The following UNC5C variants were observed in gnomAD, a reference collection of about 807,000 sequenced individuals.
UNC5C encodes netrin receptor UNC5C.
Under a neutral mutation model 99.8 loss-of-function variants are expected in UNC5C, and 47 were observed. The ratio of observed to expected loss-of-function variants is 0.47; its 90% CI spans 0.37 to 0.60. The LOEUF is 0.60. UNC5C is among the 20% of genes least tolerant of loss of function. The pLI is 0.00. For missense variants in UNC5C, 1,062 were observed against 1,165.9 expected (o/e 0.91, Z 1.30); for synonymous variants, 487 against 452.2 (o/e 1.08, Z -0.98).
At chr4:95,176,809 G>A (rs1736371115) in intron 14 of UNC5C, among the ~76,000 whole-genome samples, 1 of 152,250 alleles carries the variant, frequency 6.6e-6, no homozygotes, top group African/African-American at 2.4e-5. Flanking sequence ...ACCTAAGCAA[G>A]TCTGGGCAAT....
intron 14 of UNC5C, among the ~76,000 whole-genome samples, chr4:95,171,024 A>T (rs1736078399): frequency 6.6e-6 from 1 of 152,210 alleles, no homozygotes; most frequent in South Asian, 2.1e-4. Context: ...AAAACCATAA[A>T]TTGGCTCTTA....
intron 1 of UNC5C, among the ~76,000 whole-genome samples, chr4:95,451,674 T>C (rs544117215): frequency 7.2e-4 from 109 of 152,160 alleles, no homozygotes; most frequent in Non-Finnish European, 1.4e-3. Context: ...TGAAAAGTAA[T>C]AAAATTCTTC....
intron 1 of UNC5C, among the ~76,000 whole-genome samples, chr4:95,342,179 C>T (rs540326103): frequency 2.6e-5 from 4 of 152,234 alleles, no homozygotes; most frequent in African/African-American, 7.2e-5. Flanking sequence ...ACCAGCCAGG[C>T]TGGCTAAGGG....
chr4:95,362,724 C>T (rs975724187), intron 1 of UNC5C, among the ~76,000 whole-genome samples: 4 of 152,088 alleles, frequency 2.6e-5, no homozygotes, highest in Non-Finnish European at 5.9e-5. Flanking sequence ...CTTGTTAAAA[C>T]ACAAAAGCTA....
intron 1 of UNC5C, among the ~76,000 whole-genome samples, chr4:95,405,938 C>T (rs1745820296): frequency 6.6e-6 from 1 of 152,178 alleles, no homozygotes; most frequent in South Asian, 2.1e-4. Context: ...CAACTGTCAT[C>T]AATAGGTTAC....
chr4:95,205,490 A>G (rs1204887119), intron 11 of UNC5C, among the ~76,000 whole-genome samples: 3 of 152,046 alleles, frequency 2.0e-5, no homozygotes, highest in Non-Finnish European at 2.9e-5. Context: ...TCCCAGGGAT[A>G]CTCTGGTACT....
chr4:95,440,003 G>A (rs1015336846), intron 1 of UNC5C, among the ~76,000 whole-genome samples: 1 of 152,142 alleles, frequency 6.6e-6, no homozygotes, highest in Non-Finnish European at 1.5e-5. Flanking sequence ...TTTCCCTTAT[G>A]CACTAGGAGA....
chr4:95,371,221 T>C (rs1744737779), intron 1 of UNC5C, among the ~76,000 whole-genome samples: 2 of 152,108 alleles, frequency 1.3e-5, no homozygotes, highest in African/African-American at 4.8e-5. Flanking sequence ...TGTAATGCTG[T>C]TTCATAACGT....
chr4:95,492,262 G>C (rs1367816078), intron 1 of UNC5C, among the ~76,000 whole-genome samples: 1 of 151,234 alleles, frequency 6.6e-6, no homozygotes, highest in Non-Finnish European at 1.5e-5. Flanking sequence ...GATTATGATA[G>C]CTCATAACTC....
intron 1 of UNC5C, among the ~76,000 whole-genome samples, chr4:95,439,655 C>T (rs1746893441): frequency 6.6e-6 from 1 of 152,082 alleles, no homozygotes; most frequent in Non-Finnish European, 1.5e-5. Context: ...AAAGTGCATT[C>T]TAGAAGCAGG....
Position 95,481,700 on chromosome 4 carries a change from C to T in UNC5C, c.124+67034G>A, listed in dbSNP as rs577402298. ...AACAGAACAGAGCCCTCAGAAATAA[C>T]GCCGCATATCTACAGCTATCTGATC... On this transcript the variant is annotated intron_variant, in intron 1 of 15. Transcript: ENST00000453304. Among the ~76,000 whole-genome samples the T allele has an allele frequency of 5.3e-3, 807 of 152,058 alleles. 7 individuals carry two copies. Among genetic ancestry groups the T allele is most frequent in the African/African-American group, 0.018 (757 of 41,488 alleles).
At chr4:95,219,578 T>C (rs1038669728) in intron 8 of UNC5C, among the ~76,000 whole-genome samples, 3 of 152,212 alleles carry the variant, frequency 2.0e-5, no homozygotes, top group African/African-American at 7.2e-5. Context: ...TTTCAACAGA[T>C]TGGATTGAAC....
At chr4:95,206,510 A>G in intron 11 of UNC5C, 118 bp downstream of exon 11, 1 of 1,434,066 alleles carries the variant, frequency 7.0e-7, no homozygotes, top group South Asian at 1.3e-5. Context: ...TCTCATTTTG[A>G]GGGTGAGCTA....
intron 2 of UNC5C, among the ~76,000 whole-genome samples, chr4:95,318,827 CAG>C (rs1394256442): frequency 1.3e-5 from 2 of 152,154 alleles, no homozygotes; most frequent in African/African-American, 4.8e-5. Context: ...TAGGCAGAGA[CAG>C]GGGAAAGGAT....
At chr4:95,467,523 T>G (rs180920215) in intron 1 of UNC5C, among the ~76,000 whole-genome samples, 3 of 152,342 alleles carry the variant, frequency 2.0e-5, no homozygotes, top group Middle Eastern at 6.8e-3. Context: ...GGCAACATTT[T>G]CTGTAGTTAA....
chr4:95,294,161 G>A lies in UNC5C; in HGVS notation c.490+7445C>T, dbSNP rs114118828. Among the ~76,000 whole-genome samples the A allele has an allele frequency of 1.5e-3, 229 of 152,288 alleles. 1 individual carries two copies. The highest frequency in any genetic ancestry group is 4.7e-3 in the African/African-American group (195 of 41,572). Reference sequence around the variant, plus strand: ...ATACATGACCGAAATAATTTTATCTGTTTCTTTTTAAATTGTGGCTACTAG... The same window carrying A: ...ATACATGACCGAAATAATTTTATCTATTTCTTTTTAAATTGTGGCTACTAG... On this transcript the variant is annotated intron_variant, in intron 3 of 15. Transcript: ENST00000453304.
chr4:95,361,683 G>T (rs995186792), intron 1 of UNC5C, among the ~76,000 whole-genome samples: 7 of 152,114 alleles, frequency 4.6e-5, no homozygotes, highest in Admixed American at 1.3e-4. Context: ...AGTCAAGAGT[G>T]CAGAGAAATA....
chr4:95,374,112 A>G lies in UNC5C; in HGVS notation c.125-38481T>C, dbSNP rs577838839. Among the ~76,000 whole-genome samples the G allele has an allele frequency of 5.3e-5, 8 of 152,180 alleles. No individual in the cohort carries two copies. The East Asian group carries it at 1.6e-3, about 30-fold the overall frequency. ...AGATGTCAAAGCAACATCCCTCAGG[A>G]CTCTTCTTAATGAATTATGAAAATA... On this transcript the variant is annotated intron_variant, in intron 1 of 15. Coordinates refer to ENST00000453304, the MANE Select transcript of UNC5C (RefSeq NM_003728.4).
At chr4:95,293,942 A>G (rs1741579270) in intron 3 of UNC5C, among the ~76,000 whole-genome samples, 1 of 152,198 alleles carries the variant, frequency 6.6e-6, no homozygotes, top group South Asian at 2.1e-4. Context: ...TCTGGAGCCT[A>G]TCTGTCCAAT....
Sources: allele counts gnomAD v4.1 joint callset (sites outside exome capture counted in the v4.1 genomes callset), GRCh38; gene constraint gnomAD v4.1.1; transcripts MANE v1.5; gene names NCBI Gene and HGNC (gene_info 2026-07-23, HGNC 2026-07-21).